MAPK4: variants seen among roughly 807,000 people sequenced by gnomAD.
MAPK4 encodes the protein mitogen-activated protein kinase 4, also known as Erk3-related.
MAPK4 carries 22 observed loss-of-function variants against 47.7 expected under a neutral mutation model. The observed-to-expected ratio is 0.46, with a 90% CI of 0.33 to 0.66. MAPK4 has a LOEUF of 0.66. MAPK4 is among the 30% of genes least tolerant of loss of function. MAPK4 has a pLI of 0.02. For missense variants in MAPK4, 736 were observed against 831.7 expected, an observed-to-expected ratio of 0.88 and a Z score of 1.42; for synonymous variants, 390 against 365.7, an observed-to-expected ratio of 1.07 and a Z score of -0.76.
At chr18:50,684,532 C>T (rs116643379) in intron 2 of MAPK4, among the ~76,000 whole-genome samples, 4,276 of 149,928 alleles carry the variant, frequency 0.029, 100 homozygotes, top group African/African-American at 0.061. Context: ...GGTGAGAGAG[C>T]GAGCCCCTGA....
At chr18:50,639,498 T>A (rs150716487) in intron 1 of MAPK4, among the ~76,000 whole-genome samples, 1 of 152,170 alleles carries the variant, frequency 6.6e-6, no homozygotes, top group Non-Finnish European at 1.5e-5. Flanking sequence ...ATATGGTCAT[T>A]GTAGAAAATT....
intron 1 of MAPK4, among the ~76,000 whole-genome samples, chr18:50,591,551 G>A (rs1477986627): frequency 2.7e-5 from 4 of 150,192 alleles, no homozygotes; most frequent in Admixed American, 6.7e-5. Context: ...TAGTGTGGCC[G>A]AGGGGCAGCC....
At chr18:50,628,573 C>T (rs1161475388) in intron 1 of MAPK4, among the ~76,000 whole-genome samples, 1 of 152,218 alleles carries the variant, frequency 6.6e-6, no homozygotes, top group East Asian at 1.9e-4. Flanking sequence ...TATTTAATCT[C>T]TCACTATCAC....
In MAPK4 at chr18:50,729,559, T is replaced by A; in HGVS notation, c.1469T>A (p.Phe490Tyr). The A allele has an allele frequency of 7.0e-7, 1 of 1,426,140 alleles. No homozygotes were observed. The highest frequency in any genetic ancestry group is 9.2e-7 in the Non-Finnish European group (1 of 1,089,080). 88.3% of individuals were successfully genotyped at this position (1,426,140 alleles called of 1,614,324 possible). A position where few individuals can be genotyped will look rare whatever the true frequency, so the allele number is the denominator to read the frequency against. The part of the protein sequence containing the change: ...GAREDEPASL[F>Y]LEIAQWVKST... ...CGCGAGGACGAGCCGGCCAGCCTCT[T>A]CCTGGAGATCGCGCAGTGGGTCAAG... The change falls in exon 6 of 6, where the codon TTC becomes TAC. Residue 490 changes from phenylalanine (F) to tyrosine (Y), a missense_variant. Phe to Tyr is a conservative substitution (Grantham distance 22). Transcript: ENST00000400384.
intron 1 of MAPK4, among the ~76,000 whole-genome samples, chr18:50,595,194 T>C (rs1196708623): frequency 6.6e-6 from 1 of 152,224 alleles, no homozygotes; most frequent in Non-Finnish European, 1.5e-5. Flanking sequence ...ACCAATTTAC[T>C]CTTAGTTACA....
rs148860680 is a variant in MAPK4, at chr18:50,692,032, T to C, written c.547-23047T>C. 1.8e-3 allele frequency among the ~76,000 whole-genome samples: 275 copies of C among 152,302 alleles called. 4 individuals carry two copies. The East Asian group carries it at 0.039, about 21-fold the overall frequency. ...GGAGCTGGTGCCAGCCTTTACACTT[T>C]AGTATGAATGTAACTCAGGGTCACA... On this transcript the variant is annotated intron_variant, in intron 2 of 5. Coordinates refer to ENST00000400384, the MANE Select transcript of MAPK4 (RefSeq NM_002747.4).
chr18:50,725,150 C>G (rs534187526), intron 4 of MAPK4, among the ~76,000 whole-genome samples: 1 of 152,314 alleles, frequency 6.6e-6, no homozygotes, highest in Non-Finnish European at 1.5e-5. Context: ...TCCCACTGCC[C>G]AGAACTCCCC....
intron 1 of MAPK4, among the ~76,000 whole-genome samples, chr18:50,586,406 G>T (rs1162908325): frequency 6.6e-6 from 1 of 151,502 alleles, no homozygotes; most frequent in African/African-American, 2.4e-5. Flanking sequence ...ACCTTCTTCT[G>T]CTTGAGGATA....
At chr18:50,691,817 C>T (rs931106698) in intron 2 of MAPK4, among the ~76,000 whole-genome samples, 7 of 152,136 alleles carry the variant, frequency 4.6e-5, no homozygotes, top group African/African-American at 1.2e-4. Context: ...ATAAAAGTAT[C>T]GGCAGCCAGG....
At chr18:50,690,322 C>T (rs948844765) in intron 2 of MAPK4, among the ~76,000 whole-genome samples, 2 of 152,234 alleles carry the variant, frequency 1.3e-5, no homozygotes, top group African/African-American at 4.8e-5. Context: ...CCTACTCCCA[C>T]GCCTACTCTT....
intron 2 of MAPK4, among the ~76,000 whole-genome samples, chr18:50,688,050 G>A (rs1261837839): frequency 6.6e-6 from 1 of 152,180 alleles, no homozygotes; most frequent in South Asian, 2.1e-4. Flanking sequence ...ATGGGCAGCT[G>A]CCTCGCCCTC....
chr18:50,657,641 A>G (rs1213204948), intron 1 of MAPK4, among the ~76,000 whole-genome samples: 2 of 151,904 alleles, frequency 1.3e-5, no homozygotes, highest in African/African-American at 4.8e-5. Flanking sequence ...ACCAGAGGTG[A>G]TTTTGTGCCT....
chr18:50,565,074 C>A (rs1440382042), intron 1 of MAPK4, among the ~76,000 whole-genome samples: 2 of 152,228 alleles, frequency 1.3e-5, no homozygotes, highest in African/African-American at 4.8e-5. Flanking sequence ...TGAGGAATGA[C>A]TGGACAGCTG....
chr18:50,652,209 G>A (rs374609721), intron 1 of MAPK4, among the ~76,000 whole-genome samples: 5 of 152,188 alleles, frequency 3.3e-5, no homozygotes, highest in African/African-American at 9.6e-5. Context: ...TGACAGCCCC[G>A]TATGGTCCAG....
Position 50,729,350 on chromosome 18 carries a change from C to A in MAPK4, c.1260C>A (p.Phe420Leu). 1 of 1,584,556 alleles carries A rather than the reference C, an allele frequency of 6.3e-7. No homozygotes were observed. Among genetic ancestry groups the A allele is most frequent in the South Asian group, 1.1e-5 (1 of 88,640 alleles). ...EQSHSSMERA[F>L]EADYGRSCDY... ...CGCACTCGTCCATGGAGCGCGCCTTCGAGGCCGACTACGGGCGCTCCTGCG... is the reference window on the plus strand; with the variant it reads ...CGCACTCGTCCATGGAGCGCGCCTTAGAGGCCGACTACGGGCGCTCCTGCG... Residue 420 changes from phenylalanine to leucine, a missense_variant, in exon 6 of 6, where the codon TTC becomes TTA. Coordinates refer to ENST00000400384, the MANE Select transcript of MAPK4 (RefSeq NM_002747.4).
intron 1 of MAPK4, among the ~76,000 whole-genome samples, chr18:50,603,228 C>A (rs1280441286): frequency 6.6e-6 from 1 of 152,148 alleles, no homozygotes; most frequent in Non-Finnish European, 1.5e-5. Context: ...GTGATGCTGA[C>A]CAGGGTGAGG....
Position 50,694,154 on chromosome 18 carries a change from C to T in MAPK4, c.547-20925C>T, listed in dbSNP as rs78225330. Among the ~76,000 whole-genome samples the T allele has an allele frequency of 7.9e-3, 1,199 of 152,326 alleles. 15 individuals are homozygous for T. The highest frequency in any genetic ancestry group is 0.027 in the African/African-American group (1,116 of 41,556). ...AAGAAAGTCGTGGGCTGTGTGCATA[C>T]TGCGGTAAATCTGCTGCTCTCTGAA... On this transcript the variant is annotated intron_variant, in intron 2 of 5. Coordinates refer to ENST00000400384, the MANE Select transcript of MAPK4 (RefSeq NM_002747.4).
rs947648494 is a variant in MAPK4, at chr18:50,671,335, C to T, written c.546+6831C>T. Among the ~76,000 whole-genome samples, 5 of 152,130 alleles carry T rather than the reference C, an allele frequency of 3.3e-5. No individual in the cohort carries two copies. The South Asian group carries it at 6.2e-4, about 19-fold the overall frequency. On this transcript the variant is annotated intron_variant, in intron 2 of 5. Transcript: ENST00000400384. ...TTTGATTTTTAACAATTAGGTGATACGAACAATAATTTTGGAAAACATAGG... is the reference window on the plus strand; with the variant it reads ...TTTGATTTTTAACAATTAGGTGATATGAACAATAATTTTGGAAAACATAGG...
In MAPK4 at chr18:50,590,484, T is replaced by G; in HGVS notation, c.-871+30241T>G. 1.3e-5 allele frequency among the ~76,000 whole-genome samples: 2 copies of G among 152,280 alleles called. 1 individual carries two copies. Among genetic ancestry groups the G allele is most frequent in the South Asian group, 4.2e-4 (2 of 4,818 alleles). ...GAGGCACTTCCATGACTGGAAGCAC[T>G]TGGATCAGAGCTGATCAGAAGGTGG... On this transcript the variant is annotated intron_variant, in intron 1 of 5. Transcript: ENST00000400384.
Sources: gnomAD v4.1 joint callset for allele counts (sites outside exome capture counted in the v4.1 genomes callset) on GRCh38, gnomAD v4.1.1 for gene constraint, MANE v1.5 for transcripts, NCBI Gene and HGNC (gene_info 2026-07-23, HGNC 2026-07-21) for gene names.